The following MARK4 variants were observed in gnomAD, a reference collection of about 807,000 sequenced individuals.
MARK4 encodes the protein microtubule affinity regulating kinase 4.
Under a neutral mutation model 81.5 loss-of-function variants are expected in MARK4, and 19 were observed. The ratio of observed to expected loss-of-function variants is 0.23; its 90% CI spans 0.16 to 0.34. The LOEUF (loss-of-function observed/expected upper bound fraction) is 0.34. Among genes scored for constraint, MARK4 ranks in the 10% least tolerant of loss-of-function variants. MARK4 has a pLI of 1.00. For synonymous variants in MARK4, 436 were observed against 439.0 expected (o/e 0.99, Z 0.08); for missense variants, 772 against 1,058.8 (o/e 0.73, Z 3.76).
At chr19:45,287,233 T>C (rs1970754975) in intron 12 of MARK4, among the ~76,000 whole-genome samples, 1 of 148,694 alleles carries the variant, frequency 6.7e-6, no homozygotes, top group Admixed American at 6.7e-5. Context: ...GAAGGTGCAA[T>C]GAATGGCCTG....
At chr19:45,254,033 G>A (rs1271324620) in intron 1 of MARK4, among the ~76,000 whole-genome samples, 1 of 151,892 alleles carries the variant, frequency 6.6e-6, no homozygotes. Flanking sequence ...CAGTCCTGGT[G>A]GGGAGTCACT....
intron 8 of MARK4, among the ~76,000 whole-genome samples, chr19:45,275,851 G>A (rs541674486): frequency 7.9e-5 from 12 of 152,348 alleles, no homozygotes; most frequent in African/African-American, 2.6e-4. Context: ...TAAGTGTCCT[G>A]AAAGTGATCC....
At chr19:45,278,665 G>T (rs745648080) in intron 10 of MARK4, 50 bp downstream of exon 10, 1 of 1,369,628 alleles carries the variant, frequency 7.3e-7, no homozygotes, top group Non-Finnish European at 1.0e-6. Context: ...GTGCAGTGGT[G>T]CAATCTCGGC....
rs200769427 is a variant in MARK4 at position 45,302,452 on chromosome 19, G to A, written c.2001G>A (p.Ser667=). The change falls in exon 17 of 17, where the codon TCG becomes TCA. Residue 667 remains serine (S), a synonymous_variant. Coordinates refer to ENST00000262891, the MANE Select transcript of MARK4 (RefSeq NM_001199867.2). The surrounding 1 kb of genome is among the most constrained non-coding windows in gnomAD (Gnocchi z 4.9). ...RFPWSVKLTS[S]RPPEALMAAL... ...CCTGGAGTGTGAAGCTGACCAGCTC[G>A]CGCCCTCCTGAGGCCCTGATGGCAG... 2 of 1,613,540 alleles carry A rather than the reference G, an allele frequency of 1.2e-6. No homozygotes were observed.
intron 8 of MARK4, among the ~76,000 whole-genome samples, chr19:45,275,163 A>T (rs1970582403): frequency 6.6e-6 from 1 of 152,108 alleles, no homozygotes; most frequent in Non-Finnish European, 1.5e-5. Context: ...TGGGAGACTG[A>T]TCCAGGAGAA....
At position 45,304,829 on chromosome 19, in the gene MARK4, AC is replaced by A. The variant is rs1294805614; in HGVS notation, c.*2120del. On this transcript the variant is annotated 3_prime_UTR_variant, in exon 17 of 17. Transcript: ENST00000262891. ...GTTTTAGGCACAGCAAATGGCACAT[AC>A]AAGGGCCAGGGAGCAAGAGAGAGGA... 6.6e-6 allele frequency: 1 copy of A among 152,388 alleles called. No individual in the cohort carries two copies. The highest frequency in any genetic ancestry group is 1.5e-5 in the Non-Finnish European group (1 of 68,170). The allele number at this position is 152,388 out of a possible 1,614,324, so 9.4% of individuals were successfully genotyped here.
rs1353012949 is a variant in MARK4 at position 45,297,732 on chromosome 19, C to A, written c.1655C>A (p.Pro552Gln). 1 of 1,570,290 alleles carries A rather than the reference C, an allele frequency of 6.4e-7. No individual in the cohort carries two copies. The highest frequency in any genetic ancestry group is 1.9e-5 in the Admixed American group (1 of 53,556). ...CCCTCCAGTCACAGCCTGGCACCCC[C>A]ATCAGGGGAGCGGAGCCGCCTGGCA... ...ASPSSHSLAP[P>Q]SGERSRLARG... is the part of the protein sequence containing the mutation. Residue 552 changes from proline (P) to glutamine (Q), a missense_variant, in exon 15 of 17, where the codon CCA (proline) becomes CAA (glutamine). This residue lies in a region of MARK4 where 548 missense variants were observed against 624.3 expected (regional missense o/e 0.88). Coordinates refer to ENST00000262891, the MANE Select transcript of MARK4 (RefSeq NM_001199867.2).
chr19:45,298,472 A>C (rs147172659), intron 15 of MARK4, among the ~76,000 whole-genome samples: 1 of 152,194 alleles, frequency 6.6e-6, no homozygotes, highest in African/African-American at 2.4e-5. Flanking sequence ...TAAAATGGGT[A>C]TAGTAATAAC....
rs752537511 is a variant in MARK4 at position 45,280,593 on chromosome 19, G to A, written c.1135G>A (p.Ala379Thr). ...RKTEEGGDRG[A>T]PGLALARVRA... is the part of the protein sequence containing the mutation. ...CTCGCAGGAGGGTGGGGACCGGGGC[G>A]CCCCAGGGCTGGCCCTGGCACGGGT... Residue 379 changes from alanine (A) to threonine (T), a missense_variant, in exon 12 of 17, where the codon GCC becomes ACC. By Grantham distance (58) the Ala-to-Thr change is moderately conservative. This residue lies in a region of MARK4 where 548 missense variants were observed against 624.3 expected (regional missense o/e 0.88). Transcript: ENST00000262891. 1.5e-5 allele frequency: 25 copies of A among 1,613,522 alleles called. No individual in the cohort carries two copies. The highest frequency in any genetic ancestry group is 4.5e-5 in the East Asian group (2 of 44,870).
At chr19:45,289,751 C>T (rs1970797292) in intron 13 of MARK4, among the ~76,000 whole-genome samples, 1 of 152,022 alleles carries the variant, frequency 6.6e-6, no homozygotes, top group Non-Finnish European at 1.5e-5. Context: ...GCCTGGGCGA[C>T]AGAGCAAGAC....
intron 1 of MARK4, among the ~76,000 whole-genome samples, chr19:45,254,560 C>T (rs1263811530): frequency 6.6e-6 from 1 of 152,236 alleles, no homozygotes; most frequent in Non-Finnish European, 1.5e-5. Flanking sequence ...GCTCCATCTG[C>T]CCTGTGACCT....
At chr19:45,264,177 C>T (rs527868588) in intron 4 of MARK4, among the ~76,000 whole-genome samples, 1 of 152,148 alleles carries the variant, frequency 6.6e-6, no homozygotes, top group South Asian at 2.1e-4. Flanking sequence ...AATCTCTGGC[C>T]TCATGGAGCT....
At chr19:45,259,811 G>T (rs1333495799) in intron 2 of MARK4, among the ~76,000 whole-genome samples, 1 of 151,564 alleles carries the variant, frequency 6.6e-6, no homozygotes, top group Non-Finnish European at 1.5e-5. Flanking sequence ...AGAGGGCTGG[G>T]CATGGTGGCT....
Position 45,272,237 on chromosome 19 carries a change from C to T in MARK4, c.786+529C>T, listed in dbSNP as rs962608584. On this transcript the variant is annotated intron_variant, in intron 8 of 16. Coordinates refer to ENST00000262891, the MANE Select transcript of MARK4 (RefSeq NM_001199867.2). ...GTCCCAGCTACTTGGGAGGCTGACG[C>T]GGGAGGATCACTTGAACCTGGGAGA... is the stretch of plus-strand genomic sequence containing the variant. 2.6e-5 allele frequency among the ~76,000 whole-genome samples: 4 copies of T among 152,150 alleles called. No homozygotes were observed. The East Asian group carries it at 7.7e-4, about 29-fold the overall frequency.
At chr19:45,261,944 A>G (rs1970386203) in intron 2 of MARK4, among the ~76,000 whole-genome samples, 1 of 152,118 alleles carries the variant, frequency 6.6e-6, no homozygotes, top group Admixed American at 6.6e-5. Context: ...AAAAAAAAAA[A>G]AAGTTTCACT....
intron 12 of MARK4, 34 bp from the exon 13 acceptor site, chr19:45,287,413 T>C (rs527323595): frequency 6.9e-5 from 94 of 1,358,470 alleles, no homozygotes; most frequent in Admixed American, 2.5e-4. Context: ...GTTTCCGTGG[T>C]GATGCCAGCT....
chr19:45,279,717 A>G (rs185145677), intron 10 of MARK4, among the ~76,000 whole-genome samples: 1 of 152,262 alleles, frequency 6.6e-6, no homozygotes, highest in East Asian at 1.9e-4. Flanking sequence ...CATAACTAAA[A>G]TGAATAGAGT....
chr19:45,293,347 C>T (rs1970843267), intron 13 of MARK4, among the ~76,000 whole-genome samples: 1 of 152,146 alleles, frequency 6.6e-6, no homozygotes. Flanking sequence ...CATGAATCAC[C>T]AGTATCCACA....
At chr19:45,284,447 C>T (rs528520405) in intron 12 of MARK4, among the ~76,000 whole-genome samples, 5 of 152,070 alleles carry the variant, frequency 3.3e-5, no homozygotes, top group African/African-American at 1.2e-4. Flanking sequence ...CTCAGCCTCC[C>T]GAGTAGCTGG....
Sources: allele counts gnomAD v4.1 joint callset (sites outside exome capture counted in the v4.1 genomes callset), GRCh38; gene constraint gnomAD v4.1.1; regional missense constraint gnomAD v4.1.1; non-coding constraint Gnocchi (gnomAD v3.1); transcripts MANE v1.5; gene names NCBI Gene and HGNC (gene_info 2026-07-23, HGNC 2026-07-21).